Variants in NRG2 observed in about 807,000 individuals in gnomAD.
The protein encoded by NRG2 is pro-neuregulin-2, membrane-bound isoform.
NRG2 carries 27 observed loss-of-function variants against 73.9 expected under a neutral mutation model. The ratio of observed to expected loss-of-function variants is 0.37; its 90% CI spans 0.27 to 0.50. The LOEUF is 0.50. Ranked by LOEUF, NRG2 falls within the 20% of genes least tolerant of loss-of-function variation. The pLI, the probability that NRG2 is intolerant of heterozygous loss-of-function variation, is 0.96. For synonymous variants in NRG2, 532 were observed against 541.0 expected (o/e 0.98, Z 0.23); for missense variants, 1,126 against 1,210.1 (o/e 0.93, Z 1.03).
In NRG2 at chr5:140,042,886, G is replaced by A. The variant is rs1352864669; in HGVS notation, c.184C>T (p.Pro62Ser). 1.4e-5 allele frequency: 22 copies of A among 1,520,222 alleles called. No homozygotes were observed. Among genetic ancestry groups the A allele is most frequent in the Admixed American group, 2.0e-5 (1 of 50,030 alleles). 94.2% of individuals were successfully genotyped at this position (1,520,222 alleles called of 1,614,324 possible). A position where few individuals can be genotyped will look rare whatever the true frequency, so the allele number is the denominator to read the frequency against. ...NNSSISRPAA[P>S]PEPRPQQQPQ... is the part of the protein sequence containing the mutation. The stretch of plus-strand genomic sequence containing the variant: ...TGTTGCTGCGGCCGCGGCTCTGGGG[G>A]CGCAGCGGGACGAGAGATGCTGCTG... The change falls in exon 1 of 10, where the codon CCC (proline) becomes TCC (serine). Residue 62 changes from proline to serine, a missense_variant. Physicochemically the swap from Pro to Ser is moderately conservative, Grantham distance 74 (BLOSUM62 -1). This residue lies in a region of NRG2 where 185 missense variants were observed against 149.0 expected (regional missense o/e 1.24). Coordinates refer to ENST00000361474, the MANE Select transcript of NRG2 (RefSeq NM_004883.3).
chr5:139,871,621 G>T (rs1433851438), intron 4 of NRG2, 100 bp downstream of exon 4: 2 of 1,504,718 alleles, frequency 1.3e-6, no homozygotes, highest in Non-Finnish European at 1.8e-6. Context: ...GGGACCTCTT[G>T]TCAGTGGCTT....
chr5:139,995,394 A>C (rs934921933), intron 1 of NRG2, among the ~76,000 whole-genome samples: 4 of 152,194 alleles, frequency 2.6e-5, no homozygotes, highest in African/African-American at 9.7e-5. Flanking sequence ...ACTAAAATGC[A>C]AAGTATGAAG....
rs1046273237 is a variant in NRG2, at chr5:139,894,794, C to T, written c.701-7283G>A. Among the ~76,000 whole-genome samples the T allele has an allele frequency of 6.6e-6, 1 of 152,200 alleles. No homozygotes were observed. Among genetic ancestry groups the T allele is most frequent in the African/African-American group, 2.4e-5 (1 of 41,452 alleles). ...GACATGGCCCTGGTGTCGGGTTGGT[C>T]TCTGCCTCCTGTTTAGGGCTCCCAC... On this transcript the variant is annotated intron_variant, in intron 1 of 9. Transcript: ENST00000361474. This position sits in a 1 kb window ranked among gnomAD's most constrained non-coding sequence, Gnocchi z 5.0.
intron 1 of NRG2, among the ~76,000 whole-genome samples, chr5:139,957,307 CTGTGTGTGTGTGTGTGTGTGTG>C (rs70988722): frequency 9.7e-5 from 14 of 143,888 alleles, no homozygotes; most frequent in African/African-American, 2.3e-4. Context: ...TCAAGAATCT[CTGTGTGTGTGTGTGTGTGTGTG>C]TGTGTGTGTG....
At chr5:139,978,531 G>A (rs1756545138) in intron 1 of NRG2, among the ~76,000 whole-genome samples, 2 of 152,310 alleles carry the variant, frequency 1.3e-5, no homozygotes, top group Admixed American at 6.5e-5. Context: ...GTGGAAGTCA[G>A]TGTGGCGATT....
In NRG2 at chr5:140,042,593, C is replaced by A; in HGVS notation, c.477G>T (p.Ala159=). The part of the protein sequence containing the change: ...TREPPASGRV[A]LVKVLDKWPL... The stretch of plus-strand genomic sequence containing the variant: ...GCCACTTGTCCAGCACCTTTACCAA[C>A]GCCACCCGACCCGAGGCGGGCGGCT... Residue 159 remains alanine (A), a synonymous_variant, in exon 1 of 10, where the codon GCG becomes GCT. Transcript: ENST00000361474. 3 of 1,612,388 alleles carry A rather than the reference C, an allele frequency of 1.9e-6. No homozygotes were observed. The highest frequency in any genetic ancestry group is 2.5e-6 in the Non-Finnish European group (3 of 1,179,668).
chr5:140,014,305 C>T (rs577983498), intron 1 of NRG2, among the ~76,000 whole-genome samples: 2 of 152,128 alleles, frequency 1.3e-5, no homozygotes, highest in African/African-American at 2.4e-5. Flanking sequence ...GGTGAAATCT[C>T]GGTTCACAGC....
intron 1 of NRG2, among the ~76,000 whole-genome samples, chr5:139,980,349 C>CAA (rs10630492): frequency 0.09 from 12,572 of 139,912 alleles, 798 homozygotes; most frequent in African/African-American, 0.19. Context: ...ACAGCATCAC[C>CAA]AAAAAAAAAA....
chr5:139,983,576 A>G (rs1183878521), intron 1 of NRG2, among the ~76,000 whole-genome samples: 1 of 152,054 alleles, frequency 6.6e-6, no homozygotes, highest in Non-Finnish European at 1.5e-5. Context: ...GCAGCCCTCA[A>G]TCTCGTGATA....
At chr5:140,034,552 T>G (rs894523639) in intron 1 of NRG2, among the ~76,000 whole-genome samples, 1 of 152,162 alleles carries the variant, frequency 6.6e-6, no homozygotes, top group African/African-American at 2.4e-5. Context: ...AATGTCTTTT[T>G]TTCATTGACC....
rs56983805 is a variant in NRG2 at position 139,990,273 on chromosome 5, A to ATATTTTATTTTATTT, written c.700+52082_700+52096dup. ...TCACCAGTTTACATTCCCACTAGCA[A>ATATTTTATTTTATTT]TATTTTATTTTATTTTATTTTATTT... On this transcript the variant is annotated intron_variant, in intron 1 of 9. Coordinates refer to ENST00000361474, the MANE Select transcript of NRG2 (RefSeq NM_004883.3). Among the ~76,000 whole-genome samples the ATATTTTATTTTATTT allele has an allele frequency of 3.8e-4, 55 of 145,950 alleles. 2 individuals are homozygous for ATATTTTATTTTATTT. The highest frequency in any genetic ancestry group is 1.1e-3 in the African/African-American group (43 of 38,488).
chr5:139,996,005 G>T (rs1757986531), intron 1 of NRG2, among the ~76,000 whole-genome samples: 1 of 151,936 alleles, frequency 6.6e-6, no homozygotes, highest in Admixed American at 6.6e-5. Flanking sequence ...GACAGAGAAA[G>T]ACCCTGTCTC....
intron 1 of NRG2, among the ~76,000 whole-genome samples, chr5:140,038,537 C>A (rs1761677873): frequency 6.6e-6 from 1 of 152,206 alleles, no homozygotes; most frequent in South Asian, 2.1e-4. Flanking sequence ...TCAAACTCAG[C>A]TTTTCAGCAC....
chr5:140,042,331 C>T, intron 1 of NRG2, 39 bp downstream of exon 1: 7 of 1,459,350 alleles, frequency 4.8e-6, no homozygotes, highest in Non-Finnish European at 6.4e-6. Flanking sequence ...CCACCTCGCC[C>T]CTCCCCCCTT....
intron 1 of NRG2, among the ~76,000 whole-genome samples, chr5:140,000,417 G>C (rs2126619430): frequency 6.6e-6 from 1 of 152,328 alleles, no homozygotes; most frequent in Non-Finnish European, 1.5e-5. Flanking sequence ...TAGCACTCTA[G>C]CCACTCCAAG....
intron 1 of NRG2, among the ~76,000 whole-genome samples, chr5:139,961,551 G>A (rs1755066285): frequency 6.6e-6 from 1 of 152,210 alleles, no homozygotes; most frequent in African/African-American, 2.4e-5. Context: ...CAACCCCGTA[G>A]GGGCTGATCA....
intron 1 of NRG2, among the ~76,000 whole-genome samples, chr5:140,015,120 C>T (rs1759666970): frequency 6.6e-6 from 1 of 151,924 alleles, no homozygotes; most frequent in Admixed American, 6.6e-5. Context: ...TTTAAAATTG[C>T]AATCCACCCC....
At chr5:139,888,530 T>C (rs1473106308) in intron 1 of NRG2, among the ~76,000 whole-genome samples, 2 of 152,130 alleles carry the variant, frequency 1.3e-5, no homozygotes, top group Admixed American at 1.3e-4. Context: ...GTCTGGGAAC[T>C]GATTGGCCCT....
At chr5:139,918,516 G>A (rs1367977647) in intron 1 of NRG2, among the ~76,000 whole-genome samples, 1 of 152,148 alleles carries the variant, frequency 6.6e-6, no homozygotes, top group Non-Finnish European at 1.5e-5. Context: ...GAGATAGGGA[G>A]CGCATTACCA....
Sources: gnomAD v4.1 joint callset for allele counts (sites outside exome capture counted in the v4.1 genomes callset) on GRCh38, gnomAD v4.1.1 for gene constraint, gnomAD v4.1.1 regional missense constraint, Gnocchi (gnomAD v3.1) non-coding constraint, MANE v1.5 for transcripts, NCBI Gene and HGNC (gene_info 2026-07-23, HGNC 2026-07-21) for gene names.